Variants in LLGL2 observed in about 807,000 individuals in gnomAD.
LLGL2 encodes LLGL scribble cell polarity complex component 2, also known as LLGL2, scribble cell polarity complex component.
In LLGL2, 81 loss-of-function variants were observed where a neutral mutation model predicts 123.2. That is an observed-to-expected ratio of 0.66 (90% CI 0.55 to 0.79). LLGL2 has a LOEUF of 0.79. Ranked by LOEUF, LLGL2 falls within the 30% of genes least tolerant of loss-of-function variation. LLGL2 has a pLI of 0.00. For synonymous variants in LLGL2, 577 were observed against 594.1 expected (o/e 0.97, Z 0.42); for missense variants, 1,273 against 1,414.6 (o/e 0.90, Z 1.61).
Position 75,574,884 on chromosome 17 carries a change from T to C in LLGL2, c.*6T>C. The C allele has an allele frequency of 6.2e-7, 1 of 1,614,006 alleles. No individual in the cohort carries two copies. The highest frequency in any genetic ancestry group is 2.2e-5 in the East Asian group (1 of 44,868). On this transcript the variant is annotated 3_prime_UTR_variant, in exon 26 of 26. Transcript: ENST00000392550. ...TGTGTCCTTCAGCAGAGTGAGTGGC[T>C]GAGCGTCCAGGCTGCGCGATGAGCA... is the stretch of plus-strand genomic sequence containing the variant.
chr17:75,531,900 G>A (rs935019127), intron 1 of LLGL2, among the ~76,000 whole-genome samples: 5 of 152,132 alleles, frequency 3.3e-5, no homozygotes, highest in East Asian at 1.9e-4. Context: ...GCGTGGGGAC[G>A]AGGAGGCTGC....
rs2054559879 is a variant in LLGL2 at position 75,549,227 on chromosome 17, G to A, written c.75+5726G>A. 6.6e-6 allele frequency among the ~76,000 whole-genome samples: 1 copy of A among 152,176 alleles called. No individual in the cohort carries two copies. The highest frequency in any genetic ancestry group is 1.5e-5 in the Non-Finnish European group (1 of 68,036). On this transcript the variant is annotated intron_variant, in intron 2 of 25. Transcript: ENST00000392550. The surrounding 1 kb of genome is among the most constrained non-coding windows in gnomAD (Gnocchi z 4.0). ...ACAAGTCAGCTGCAGCACCAGGACAGGGCCACTGAGGACCAAGGGAAGGAA... is the reference window on the plus strand; with the variant it reads ...ACAAGTCAGCTGCAGCACCAGGACAAGGCCACTGAGGACCAAGGGAAGGAA...
intron 17 of LLGL2, chr17:75,571,347 C>A: frequency 1.7e-6 from 1 of 580,924 alleles, no homozygotes; most frequent in Non-Finnish European, 3.1e-6. Context: ...AGACCCATCA[C>A]TTAGCCTTTC....
chr17:75,544,101 C>T lies in LLGL2; in HGVS notation c.75+600C>T, dbSNP rs1303237625. Among the ~76,000 whole-genome samples the T allele has an allele frequency of 6.6e-6, 1 of 152,136 alleles. No homozygotes were observed. Among genetic ancestry groups the T allele is most frequent in the African/African-American group, 2.4e-5 (1 of 41,422 alleles). On this transcript the variant is annotated intron_variant, in intron 2 of 25. Transcript: ENST00000392550. This position sits in a 1 kb window ranked among gnomAD's most constrained non-coding sequence, Gnocchi z 4.2. Reference sequence around the variant, plus strand: ...ACCTGTATCCGGGGTACCAGAAGGCCCACGGGGCTTCCCTTCAGGAGTCTG... The same window carrying T: ...ACCTGTATCCGGGGTACCAGAAGGCTCACGGGGCTTCCCTTCAGGAGTCTG...
At chr17:75,565,630 G>A (rs1287590857) in intron 10 of LLGL2, among the ~76,000 whole-genome samples, 1 of 152,230 alleles carries the variant, frequency 6.6e-6, no homozygotes, top group Non-Finnish European at 1.5e-5. Flanking sequence ...AGGTCAGGAA[G>A]GGAGGGAAGA....
At chr17:75,560,859 A>G (rs2055188608) in intron 6 of LLGL2, among the ~76,000 whole-genome samples, 1 of 137,702 alleles carries the variant, frequency 7.3e-6, no homozygotes, top group East Asian at 2.5e-4. Context: ...TTTTTGAGAG[A>G]GTCTTACTCT....
chr17:75,565,310 C>T (rs1456390911), intron 10 of LLGL2, among the ~76,000 whole-genome samples: 1 of 152,204 alleles, frequency 6.6e-6, no homozygotes, highest in African/African-American at 2.4e-5. Context: ...CAGGAGCTCT[C>T]CAGGAGGGAG....
chr17:75,566,713 C>A (rs1000598354), intron 10 of LLGL2, among the ~76,000 whole-genome samples: 38 of 152,260 alleles, frequency 2.5e-4, no homozygotes, highest in African/African-American at 8.9e-4. Context: ...AGAGATCAGT[C>A]AAGGATGACG....
At position 75,574,337 on chromosome 17, in the gene LLGL2, CCA is replaced by C. The variant is rs2055875770; in HGVS notation, c.2953+79_2953+80del. The C allele has an allele frequency of 2.0e-6, 3 of 1,522,428 alleles. No individual in the cohort carries two copies. In the East Asian group the frequency reaches 7.4e-5, roughly 37 times the overall value. 94.3% of individuals were successfully genotyped at this position (1,522,428 alleles called of 1,614,324 possible). On this transcript the variant is annotated intron_variant, in intron 23 of 25. Transcript: ENST00000392550. ...TCAGGGTCAAGGGAGGCTGGGCAGGCCACTGCCCTGAGGCGGGGTACAGATCC... is the reference window on the plus strand; with the variant it reads ...TCAGGGTCAAGGGAGGCTGGGCAGGCCTGCCCTGAGGCGGGGTACAGATCC...
chr17:75,540,180 A>T (rs527776278), intron 1 of LLGL2, among the ~76,000 whole-genome samples: 1 of 152,144 alleles, frequency 6.6e-6, no homozygotes, highest in Non-Finnish European at 1.5e-5. Flanking sequence ...GGCTCCCTCC[A>T]GGAATGGGCT....
chr17:75,573,106 C>A lies in LLGL2; in HGVS notation c.2553C>A (p.Phe851Leu), dbSNP rs759059197. ...TGCGGCGGGTCAGCGTGGCCCACTT[C>A]GGCAGTCGTCGAGCCGAGGACTACG... The part of the protein sequence containing the change: ...SRVRRVSVAH[F>L]GSRRAEDYGE... Residue 851 changes from phenylalanine (F) to leucine (L), a missense_variant, in exon 20 of 26, where the codon TTC (phenylalanine) becomes TTA (leucine). By Grantham distance (22) the Phe-to-Leu change is conservative (BLOSUM62 0). Coordinates refer to ENST00000392550, the MANE Select transcript of LLGL2 (RefSeq NM_001031803.2). The A allele has an allele frequency of 6.2e-7, 1 of 1,612,836 alleles. No individual in the cohort carries two copies. The highest frequency in any genetic ancestry group is 8.5e-7 in the Non-Finnish European group (1 of 1,179,930).
Position 75,574,071 on chromosome 17 carries a change from GT to G in LLGL2, c.2905+92del, listed in dbSNP as rs1598645715. 12 of 1,549,752 alleles carry G rather than the reference GT, an allele frequency of 7.7e-6. 1 individual carries two copies. The highest frequency in any genetic ancestry group is 3.3e-4 in the Middle Eastern group (2 of 5,986). On this transcript the variant is annotated intron_variant, in intron 22 of 25. Coordinates refer to ENST00000392550, the MANE Select transcript of LLGL2 (RefSeq NM_001031803.2). ...GGAGGGAAGGGTCCCGAGTGAGCAG[GT>G]AGTGTTTGGGCTGGGAATAGAGACG...
Position 75,556,091 on chromosome 17 carries a change from A to G in LLGL2, c.121A>G (p.Ser41Gly), listed in dbSNP as rs868300040. The change falls in exon 3 of 26, where the codon AGC (serine) becomes GGC (glycine). Residue 41 changes from serine to glycine, a missense_variant. By Grantham distance (56) the Ser-to-Gly change is moderately conservative. Coordinates refer to ENST00000392550, the MANE Select transcript of LLGL2 (RefSeq NM_001031803.2). ...GCACCAGCCCAGCGCCCTCGGCTAC[A>G]GCCCGTCCCTGCGCATCCTGGCCAT... ...FPHQPSALGY[S>G]PSLRILAIGT... 8.1e-6 allele frequency: 13 copies of G among 1,610,098 alleles called. No individual in the cohort carries two copies. In the Admixed American group the frequency reaches 1.8e-4, roughly 23 times the overall value.
chr17:75,559,385 A>T lies in LLGL2; in HGVS notation c.505A>T (p.Ile169Phe), dbSNP rs777341295. Residue 169 changes from isoleucine (I) to phenylalanine (F), a missense_variant, in exon 6 of 26, where the codon ATC becomes TTC. Ile to Phe is a conservative substitution (Grantham distance 21). Transcript: ENST00000392550. The surrounding 1 kb of genome is among the most constrained non-coding windows in gnomAD (Gnocchi z 4.6). Reference protein sequence around the residue: ...PAFRALEDRTISSDAVLQRLP... With the variant: ...PAFRALEDRTFSSDAVLQRLP... ...TTTTCGTGCGCTGGAGGACCGGACC[A>T]TCAGCTCGGACGCGGTGCTGCAGCG... 170 of 1,611,934 alleles carry T rather than the reference A, an allele frequency of 1.1e-4. No homozygotes were observed. The highest frequency in any genetic ancestry group is 1.4e-4 in the Non-Finnish European group (160 of 1,179,440).
At chr17:75,532,900 C>G (rs951177943) in intron 1 of LLGL2, among the ~76,000 whole-genome samples, 1 of 152,226 alleles carries the variant, frequency 6.6e-6, no homozygotes, top group African/African-American at 2.4e-5. Flanking sequence ...CCCTGAGAAC[C>G]CTGTGGGGTC....
chr17:75,537,110 ACAGC>A (rs2054032538), intron 1 of LLGL2, among the ~76,000 whole-genome samples: 1 of 152,210 alleles, frequency 6.6e-6, no homozygotes, highest in Non-Finnish European at 1.5e-5. Flanking sequence ...GACGTGAGCC[ACAGC>A]GCCCGGCCCT....
rs796643257 is a variant in LLGL2, at chr17:75,569,102, G to A, written c.1447G>A (p.Gly483Ser). Residue 483 changes from glycine (G) to serine (S), a missense_variant, in exon 13 of 26, where the codon GGC (glycine) becomes AGC (serine). Coordinates refer to ENST00000392550, the MANE Select transcript of LLGL2 (RefSeq NM_001031803.2). ...CCCCAACGAGAACTTCAGTGCCCAG[G>A]GCGAGGACGAGTGGCCCCCACTCCG... ...TDPNENFSAQ[G>S]EDEWPPLRKV... is the part of the protein sequence containing the mutation. 2 of 1,613,288 alleles carry A rather than the reference G, an allele frequency of 1.2e-6. No individual in the cohort carries two copies. Among genetic ancestry groups the A allele is most frequent in the East Asian group, 2.2e-5 (1 of 44,886 alleles).
chr17:75,573,693 A>ACC (rs35685683), intron 21 of LLGL2, 62 bp downstream of exon 21: 1 of 1,331,104 alleles, frequency 7.5e-7, no homozygotes, highest in Non-Finnish European at 9.9e-7. Context: ...TCTCTGAGAT[A>ACC]CCGAGGCTCC....
intron 1 of LLGL2, among the ~76,000 whole-genome samples, chr17:75,532,065 C>CACACACACACACAA (rs2053811972): frequency 7.6e-6 from 1 of 131,286 alleles, no homozygotes; most frequent in Admixed American, 7.7e-5. Flanking sequence ...TACACACACA[C>CACACACACACACAA]ACACACACAC....
Sources: gnomAD v4.1 joint callset for allele counts (sites outside exome capture counted in the v4.1 genomes callset) on GRCh38, gnomAD v4.1.1 for gene constraint, Gnocchi (gnomAD v3.1) non-coding constraint, MANE v1.5 for transcripts, NCBI Gene and HGNC (gene_info 2026-07-23, HGNC 2026-07-21) for gene names.